YIPF4: variants seen among roughly 807,000 people sequenced by gnomAD.
YIPF4 encodes Yip1 domain family member 4, also known as protein YIPF4.
Under a neutral mutation model 29.4 loss-of-function variants are expected in YIPF4, and 18 were observed. The observed-to-expected ratio is 0.61, with a 90% CI of 0.42 to 0.91. YIPF4 has a LOEUF of 0.91. YIPF4 is among the 40% of genes least tolerant of loss of function. The probability of loss-of-function intolerance (pLI) is 0.00; values close to 1 mark genes in which losing one functional copy is unlikely to be tolerated. For missense variants in YIPF4, 279 were observed against 282.7 expected (o/e 0.99, Z 0.09); for synonymous variants, 115 against 104.7 (o/e 1.10, Z -0.60).
intron 4 of YIPF4, among the ~76,000 whole-genome samples, chr2:32,299,152 G>T (rs2031304930): frequency 2.6e-5 from 4 of 152,172 alleles, no homozygotes; most frequent in Admixed American, 2.6e-4. Flanking sequence ...AGGATTACCG[G>T]TGTGAACCAC....
chr2:32,291,645 G>A (rs550146670), intron 2 of YIPF4, among the ~76,000 whole-genome samples: 25 of 152,240 alleles, frequency 1.6e-4, no homozygotes, highest in African/African-American at 5.8e-4. Context: ...TGCGTAAGAC[G>A]GCATAAAGCT....
intron 1 of YIPF4, among the ~76,000 whole-genome samples, chr2:32,284,490 G>T (rs941487748): frequency 6.6e-6 from 1 of 152,024 alleles, no homozygotes; most frequent in Non-Finnish European, 1.5e-5. Context: ...ACAAGGTCTG[G>T]TTTTTTAAAA....
At chr2:32,280,313 G>A (rs2030340864) in intron 1 of YIPF4, among the ~76,000 whole-genome samples, 1 of 150,926 alleles carries the variant, frequency 6.6e-6, no homozygotes, top group Non-Finnish European at 1.5e-5. Flanking sequence ...TATTTTTTTA[G>A]TAGAGACGGG....
intron 1 of YIPF4, among the ~76,000 whole-genome samples, chr2:32,288,234 G>A (rs2030760178): frequency 6.6e-6 from 1 of 151,988 alleles, no homozygotes; most frequent in East Asian, 1.9e-4. Context: ...ACTTTACATG[G>A]AACAGAAAGT....
chr2:32,315,088 T>A lies in YIPF4; in HGVS notation c.*9462T>A, dbSNP rs2031794962. 1 of 152,194 alleles carries A rather than the reference T, an allele frequency of 6.6e-6. No individual in the cohort carries two copies. The highest frequency in any genetic ancestry group is 1.5e-5 in the Non-Finnish European group (1 of 68,034). The allele number at this position is 152,194 out of a possible 1,614,324, so 9.4% of individuals were successfully genotyped here. On this transcript the variant is annotated 3_prime_UTR_variant, in exon 6 of 6. Coordinates refer to ENST00000238831, the MANE Select transcript of YIPF4 (RefSeq NM_032312.4). ...GTGTTATTAAGAACTCAAGGTCCAT[T>A]TATTGCTCTATTCTGCCATCTTTGG...
Position 32,292,177 on chromosome 2 carries a change from G to A in YIPF4, c.234G>A (p.Leu78=). The change falls in exon 3 of 6, where the codon TTG becomes TTA. Residue 78 remains leucine (L), a splice_region_variant and synonymous_variant. Coordinates refer to ENST00000238831, the MANE Select transcript of YIPF4 (RefSeq NM_032312.4). The part of the protein sequence containing the change: ...DDDPEDNKPL[L]EELDIDLKDI... ...GAGAATTTTTATTTTAAAATTATAG[G>A]GAAGAATTGGACATTGATCTAAAGG... The A allele has an allele frequency of 6.9e-7, 1 of 1,452,164 alleles. No individual in the cohort carries two copies. The highest frequency in any genetic ancestry group is 9.1e-7 in the Non-Finnish European group (1 of 1,094,020). 90.0% of individuals were successfully genotyped at this position (1,452,164 alleles called of 1,614,324 possible).
Position 32,305,433 on chromosome 2 carries a change from A to G in YIPF4, c.598-56A>G, listed in dbSNP as rs917172658. On this transcript the variant is annotated intron_variant, in intron 5 of 5. Transcript: ENST00000238831. ...CACCATTTTTACTCTATGATATCCA[A>G]AAAGTTAATTGACTTGCTAATATGC... 6.4e-6 allele frequency: 9 copies of G among 1,413,112 alleles called. No homozygotes were observed. The African/African-American group carries it at 1.0e-4, about 16-fold the overall frequency. The allele number at this position is 1,413,112 out of a possible 1,614,324, so 87.5% of individuals were successfully genotyped here. A position where few individuals can be genotyped will look rare whatever the true frequency, so the allele number is the denominator to read the frequency against.
intron 1 of YIPF4, among the ~76,000 whole-genome samples, chr2:32,288,929 T>C (rs1489331187): frequency 6.6e-6 from 1 of 152,134 alleles, no homozygotes; most frequent in African/African-American, 2.4e-5. Context: ...ATGACACCAC[T>C]GCACTCCAGC....
intron 3 of YIPF4, among the ~76,000 whole-genome samples, chr2:32,296,104 C>T (rs1003391789): frequency 6.6e-6 from 1 of 152,174 alleles, no homozygotes; most frequent in African/African-American, 2.4e-5. Flanking sequence ...CTCTGGTCTC[C>T]TACCTACCAC....
chr2:32,301,602 G>T, intron 5 of YIPF4, 107 bp downstream of exon 5: 1 of 701,482 alleles, frequency 1.4e-6, no homozygotes, highest in Non-Finnish European at 2.3e-6. Context: ...TCAAACAGTT[G>T]GTAGTATTTT....
intron 3 of YIPF4, among the ~76,000 whole-genome samples, chr2:32,293,862 CCCGGACGGGGCGGCTGG>C (rs1419379673): frequency 3.4e-5 from 5 of 147,404 alleles, no homozygotes; most frequent in Non-Finnish European, 7.5e-5. Flanking sequence ...CCACCTCCCT[CCCGGACGGGGCGGCTGG>C]CCGGGCGGGG....
At chr2:32,299,109 C>T (rs910198296) in intron 4 of YIPF4, among the ~76,000 whole-genome samples, 1 of 152,114 alleles carries the variant, frequency 6.6e-6, no homozygotes, top group Non-Finnish European at 1.5e-5. Context: ...AACTCCCGAT[C>T]TCAAGTGATC....
intron 3 of YIPF4, among the ~76,000 whole-genome samples, chr2:32,293,329 A>G (rs1199696245): frequency 6.6e-6 from 1 of 152,158 alleles, no homozygotes; most frequent in Non-Finnish European, 1.5e-5. Context: ...CTGTTTAACA[A>G]AGCACATCTT....
At chr2:32,305,376 A>G in intron 5 of YIPF4, 113 bp from the exon 6 acceptor site, 1 of 1,236,068 alleles carries the variant, frequency 8.1e-7, no homozygotes, top group Non-Finnish European at 1.1e-6. Flanking sequence ...ATTTACCAAA[A>G]TTGGTTGTTG....
intron 4 of YIPF4, among the ~76,000 whole-genome samples, chr2:32,300,190 C>T (rs905297547): frequency 1.7e-4 from 26 of 152,178 alleles, no homozygotes; most frequent in African/African-American, 5.8e-4. Context: ...CTCTTGAACC[C>T]GGGAGGCGGA....
Position 32,278,659 on chromosome 2 carries a change from T to TG in YIPF4, c.79+433dup, listed in dbSNP as rs200983491. On this transcript the variant is annotated intron_variant, in intron 1 of 5. Transcript: ENST00000238831. ...TGTTATGTATCAACAGATAATTTTT[T>TG]GGGGGGGGTCTGGGATCAGATTCGG... Among the ~76,000 whole-genome samples, 1,086 of 151,820 alleles carry TG rather than the reference T, an allele frequency of 7.2e-3. 9 individuals carry two copies. The highest frequency in any genetic ancestry group is 8.4e-3 in the Non-Finnish European group (572 of 67,918).
At chr2:32,293,292 C>T (rs1462596623) in intron 3 of YIPF4, among the ~76,000 whole-genome samples, 1 of 152,110 alleles carries the variant, frequency 6.6e-6, no homozygotes, top group Non-Finnish European at 1.5e-5. Flanking sequence ...GGTGATGACT[C>T]TTAACGAGCA....
intron 1 of YIPF4, among the ~76,000 whole-genome samples, chr2:32,286,160 C>G (rs1414895959): frequency 1.3e-5 from 2 of 152,112 alleles, no homozygotes; most frequent in African/African-American, 4.8e-5. Context: ...TTGCATAGAA[C>G]TATAAACACA....
rs1558470923 is a variant in YIPF4, at chr2:32,277,962, A to G, written c.-194A>G. On this transcript the variant is annotated 5_prime_UTR_variant, in exon 1 of 6. Coordinates refer to ENST00000238831, the MANE Select transcript of YIPF4 (RefSeq NM_032312.4). ...CGTGGTGCTTGGGTGGTCGCCACCA[A>G]GAAGACTTTGGTGGGGTAGTCTCGG... 1 of 540,408 alleles carries G rather than the reference A, an allele frequency of 1.9e-6. No homozygotes were observed. The highest frequency in any genetic ancestry group is 3.4e-5 in the East Asian group (1 of 29,004). The allele number at this position is 540,408 out of a possible 1,614,324, so 33.5% of individuals were successfully genotyped here.
Sources: allele counts gnomAD v4.1 joint callset (sites outside exome capture counted in the v4.1 genomes callset), GRCh38; gene constraint gnomAD v4.1.1; transcripts MANE v1.5; gene names NCBI Gene and HGNC (gene_info 2026-07-23, HGNC 2026-07-21).